The following NDST1 variants were observed in gnomAD, a reference collection of about 807,000 sequenced individuals.
NDST1 encodes the protein bifunctional heparan sulfate N-deacetylase/N-sulfotransferase 1.
NDST1 carries 35 observed loss-of-function variants against 92.8 expected under a neutral mutation model. That is an observed-to-expected ratio of 0.38 (90% CI 0.29 to 0.50). The LOEUF is 0.50. Ranked by LOEUF, NDST1 falls within the 20% of genes least tolerant of loss-of-function variation. The pLI, the probability that NDST1 is intolerant of heterozygous loss-of-function variation, is 0.94. For missense variants in NDST1, 822 were observed against 1,182.7 expected (o/e 0.69, Z 4.47); for synonymous variants, 493 against 500.3 (o/e 0.99, Z 0.19).
intron 2 of NDST1, among the ~76,000 whole-genome samples, chr5:150,527,227 A>G (rs1337143766): frequency 6.6e-6 from 1 of 152,218 alleles, no homozygotes; most frequent in Admixed American, 6.5e-5. Flanking sequence ...TGCCCCTCCA[A>G]GCCTCGGTTT....
In NDST1 at chr5:150,520,976, G is replaced by T; in HGVS notation, c.-279G>T. On this transcript the variant is annotated 5_prime_UTR_variant, in exon 2 of 15. Transcript: ENST00000261797. ...CCCCAGAAGGCCCTGACGCCCTGGG[G>T]CACTTCTGCTCTGCACAGGACCACG... 2 of 559,336 alleles carry T rather than the reference G, an allele frequency of 3.6e-6. No homozygotes were observed. The highest frequency in any genetic ancestry group is 6.3e-6 in the Non-Finnish European group (2 of 317,454). The allele number at this position is 559,336 out of a possible 1,614,324, so 34.6% of individuals were successfully genotyped here.
At position 150,542,902 on chromosome 5, in the gene NDST1, A is replaced by T; in HGVS notation, c.1901A>T (p.Tyr634Phe). The T allele has an allele frequency of 2.5e-6, 4 of 1,614,022 alleles. No homozygotes were observed. Among genetic ancestry groups the T allele is most frequent in the Non-Finnish European group, 3.4e-6 (4 of 1,179,994 alleles). ...ATGCACCCTGACCTAAGCAGCAACT[A>T]CCCCAGCTCTGAGACCTTTGAGGAG... is the stretch of plus-strand genomic sequence containing the variant. ...LGMHPDLSSNYPSSETFEEIQ... is the reference protein window; with the variant it reads ...LGMHPDLSSNFPSSETFEEIQ... Residue 634 changes from tyrosine (Y) to phenylalanine (F), a missense_variant, in exon 10 of 15, where the codon TAC becomes TTC. By Grantham distance (22) the Tyr-to-Phe change is conservative. Coordinates refer to ENST00000261797, the MANE Select transcript of NDST1 (RefSeq NM_001543.5).
chr5:150,503,630 G>C (rs549969855), upstream of NDST1, among the ~76,000 whole-genome samples: 148 of 152,200 alleles, frequency 9.7e-4, no homozygotes, highest in Middle Eastern at 6.8e-3. Flanking sequence ...TGGTTTGATG[G>C]GGCAGCTGTG....
chr5:150,551,884 C>A, intron 14 of NDST1, 29 bp downstream of exon 14: 2 of 1,610,486 alleles, frequency 1.2e-6, no homozygotes, highest in Non-Finnish European at 1.7e-6. Context: ...ACCTGTAGCA[C>A]CTGCATAAGG....
chr5:150,516,418 AT>A (rs1204153908), intron 1 of NDST1, among the ~76,000 whole-genome samples: 1 of 152,254 alleles, frequency 6.6e-6, no homozygotes, highest in Non-Finnish European at 1.5e-5. Flanking sequence ...TGAGCATCTT[AT>A]GTATCAACTC....
chr5:150,528,350 C>T, intron 3 of NDST1, 52 bp downstream of exon 3: 2 of 1,544,908 alleles, frequency 1.3e-6, no homozygotes, highest in Non-Finnish European at 1.8e-6. Context: ...TGGCAAGCTT[C>T]AGCCTTCAGG....
intron 14 of NDST1, 47 bp downstream of exon 14, chr5:150,551,902 G>T: frequency 6.2e-7 from 1 of 1,605,576 alleles, no homozygotes. Flanking sequence ...AGGGTAAGGG[G>T]TCCCTGTATG....
rs187082778 is a variant in NDST1 at position 150,539,944 on chromosome 5, G to T, written c.1567-138G>T. 895 of 1,276,634 alleles carry T rather than the reference G, an allele frequency of 7.0e-4. 9 individuals carry two copies. In the Middle Eastern group the frequency reaches 8.9e-3, roughly 13 times the overall value. 79.1% of individuals were successfully genotyped at this position (1,276,634 alleles called of 1,614,324 possible). On this transcript the variant is annotated intron_variant, in intron 7 of 14. Coordinates refer to ENST00000261797, the MANE Select transcript of NDST1 (RefSeq NM_001543.5). The stretch of plus-strand genomic sequence containing the variant: ...TCATCCAAGTACTCGCAGCGAGTTT[G>T]TTGACAGCGCCAGCGTAACTTCCAC...
intron 9 of NDST1, 47 bp from the exon 10 acceptor site, chr5:150,542,801 T>C (rs778290163): frequency 1.2e-6 from 2 of 1,613,366 alleles, no homozygotes; most frequent in Non-Finnish European, 1.7e-6. Flanking sequence ...CTCTATCTTT[T>C]GGCTGGGGGC....
upstream of NDST1, chr5:150,507,674 G>A (rs1753520762): frequency 6.6e-6 from 1 of 152,398 alleles, no homozygotes; most frequent in South Asian, 2.1e-4. Context: ...GGGCATACCA[G>A]TCCTTCCTCT....
At chr5:150,526,363 C>T (rs1754478369) in intron 2 of NDST1, among the ~76,000 whole-genome samples, 1 of 152,244 alleles carries the variant, frequency 6.6e-6, no homozygotes, top group African/African-American at 2.4e-5. Flanking sequence ...TTGTTTTTCT[C>T]ACTGTATCAC....
chr5:150,536,025 C>T (rs1754968819), intron 6 of NDST1, 140 bp downstream of exon 6: 9 of 997,134 alleles, frequency 9.0e-6, no homozygotes, highest in Non-Finnish European at 1.4e-5. Context: ...CCTCCTCTGG[C>T]ACCCGAGGCT....
intron 10 of NDST1, among the ~76,000 whole-genome samples, chr5:150,543,660 C>T (rs1004938753): frequency 2.0e-5 from 3 of 152,206 alleles, no homozygotes; most frequent in African/African-American, 7.2e-5. Context: ...GTGTGAACAC[C>T]CAATCATCAC....
chr5:150,528,900 C>T (rs968951657), intron 3 of NDST1, among the ~76,000 whole-genome samples: 13 of 152,178 alleles, frequency 8.5e-5, no homozygotes, highest in Admixed American at 6.5e-4. Context: ...TGGAAGAAGA[C>T]ATCCAGACAA....
At chr5:150,538,860 T>A (rs895198515) in intron 6 of NDST1, among the ~76,000 whole-genome samples, 1 of 152,098 alleles carries the variant, frequency 6.6e-6, no homozygotes, top group Non-Finnish European at 1.5e-5. Flanking sequence ...TGACAACGAG[T>A]GTCACCAGGT....
In NDST1 at chr5:150,537,951, A is replaced by G. The variant is rs140140405; in HGVS notation, c.1438-1277A>G. ...GAATATCGGGGGTTGGTTTCCCCCA[A>G]TACATGTGTAAAATATACAGTGGTC... On this transcript the variant is annotated intron_variant, in intron 6 of 14. Transcript: ENST00000261797. Among the ~76,000 whole-genome samples, 35 of 152,340 alleles carry G rather than the reference A, an allele frequency of 2.3e-4. No individual in the cohort carries two copies. In the South Asian group the frequency reaches 3.5e-3, roughly 15 times the overall value.
chr5:150,504,621 A>G (rs1031543999), upstream of NDST1, among the ~76,000 whole-genome samples: 1 of 152,190 alleles, frequency 6.6e-6, no homozygotes, highest in African/African-American at 2.4e-5. Flanking sequence ...TTTAGGCCCC[A>G]GGCTCTGGAG....
chr5:150,505,705 A>G (rs1753422708), upstream of NDST1, among the ~76,000 whole-genome samples: 1 of 152,222 alleles, frequency 6.6e-6, no homozygotes, highest in South Asian at 2.1e-4. Context: ...TCCCTACAGA[A>G]TAACCCAGCT....
At chr5:150,547,706 T>G (rs933979505) in intron 11 of NDST1, among the ~76,000 whole-genome samples, 3 of 152,192 alleles carry the variant, frequency 2.0e-5, no homozygotes, top group African/African-American at 7.2e-5. Context: ...TATTGCCATT[T>G]GTGAGTGGTT....
Sources: gnomAD v4.1 joint callset for allele counts (sites outside exome capture counted in the v4.1 genomes callset) on GRCh38, gnomAD v4.1.1 for gene constraint, MANE v1.5 for transcripts, NCBI Gene and HGNC (gene_info 2026-07-23, HGNC 2026-07-21) for gene names.